UPP2: variants seen among roughly 807,000 people sequenced by gnomAD.
UPP2 encodes uridine phosphorylase 2, also known as UPase 2.
A neutral mutation model predicts 26.7 loss-of-function variants in UPP2; 23 were observed. The ratio of observed to expected loss-of-function variants is 0.86; its 90% CI spans 0.62 to 1.22. The LOEUF is 1.22. Ranked by LOEUF, UPP2 falls within the 50% of genes most tolerant of loss-of-function variation. The pLI is 0.00. For synonymous variants in UPP2, 127 were observed against 141.3 expected (o/e 0.90, Z 0.72); for missense variants, 387 against 396.7 (o/e 0.98, Z 0.21).
intron 3 of UPP2, among the ~76,000 whole-genome samples, chr2:158,083,756 T>C (rs1682766355): frequency 1.3e-5 from 2 of 151,062 alleles, no homozygotes; most frequent in African/African-American, 2.4e-5. Flanking sequence ...CTGAATACCA[T>C]TATTTCATCC....
At chr2:158,030,172 G>A (rs776627691) in intron 3 of UPP2, among the ~76,000 whole-genome samples, 10 of 152,130 alleles carry the variant, frequency 6.6e-5, no homozygotes, top group Admixed American at 1.3e-4. Context: ...AAAAATTGGC[G>A]ATTATGATGA....
chr2:158,083,684 T>A (rs902699824), intron 3 of UPP2, among the ~76,000 whole-genome samples: 1 of 151,668 alleles, frequency 6.6e-6, no homozygotes, highest in Non-Finnish European at 1.5e-5. Flanking sequence ...TGTGCATGTA[T>A]CCCAGAACTT....
chr2:158,054,390 T>TG (rs1046235024), intron 3 of UPP2, among the ~76,000 whole-genome samples: 1 of 147,764 alleles, frequency 6.8e-6, no homozygotes, highest in Non-Finnish European at 1.5e-5. Context: ...TTGAGGTTTT[T>TG]TTTTTTTTTT....
intron 6 of UPP2, among the ~76,000 whole-genome samples, chr2:158,130,464 A>AC (rs1553471682): frequency 2.2e-5 from 2 of 92,094 alleles, no homozygotes; most frequent in African/African-American, 7.9e-5. Context: ...AAAAAAAACA[A>AC]AAAAAAAAAA....
intron 3 of UPP2, 48 bp downstream of exon 3, chr2:158,115,307 A>G: frequency 6.6e-7 from 1 of 1,511,688 alleles, no homozygotes; most frequent in Non-Finnish European, 8.9e-7. Flanking sequence ...GGCTAGAGAA[A>G]AAAGTGGGAA....
intron 3 of UPP2, among the ~76,000 whole-genome samples, chr2:158,035,144 A>G (rs75156925): frequency 0.048 from 7,302 of 151,808 alleles, 315 homozygotes; most frequent in East Asian, 0.13. Context: ...ACCTCAGTTT[A>G]AGAGGATCAG....
chr2:158,071,065 G>T (rs140754834), intron 3 of UPP2, among the ~76,000 whole-genome samples: 28 of 152,298 alleles, frequency 1.8e-4, no homozygotes, highest in African/African-American at 6.0e-4. Context: ...GGGCTAAAGT[G>T]CTCTGGAGTA....
Position 158,134,931 on chromosome 2 carries a change from T to C in UPP2, c.*41T>C, listed in dbSNP as rs760265477. ...AGCCCAACCCTCCCCTGCAAGTTTG[T>C]AGCTCAAGTTGTAATGTGAAAGTCA... On this transcript the variant is annotated 3_prime_UTR_variant, in exon 7 of 7. Coordinates refer to ENST00000005756, the MANE Select transcript of UPP2 (RefSeq NM_173355.4). The C allele has an allele frequency of 6.4e-7, 1 of 1,570,608 alleles. No individual in the cohort carries two copies. Among genetic ancestry groups the C allele is most frequent in the Non-Finnish European group, 8.6e-7 (1 of 1,157,872 alleles).
intron 2 of UPP2, among the ~76,000 whole-genome samples, chr2:158,001,438 G>A (rs1683406158): frequency 6.6e-6 from 1 of 152,096 alleles, no homozygotes; most frequent in Admixed American, 6.5e-5. Context: ...GAGGGAGCTG[G>A]TGAATAAATA....
intron 3 of UPP2, among the ~76,000 whole-genome samples, chr2:158,095,039 CAG>C (rs982891122): frequency 2.6e-5 from 4 of 152,182 alleles, no homozygotes; most frequent in African/African-American, 9.7e-5. Flanking sequence ...CCAGCAGAAA[CAG>C]AGCCTCTCAG....
intron 1 of UPP2, among the ~76,000 whole-genome samples, chr2:158,103,242 C>T (rs7595641): frequency 0.025 from 3,763 of 152,174 alleles, 156 homozygotes; most frequent in African/African-American, 0.083. Flanking sequence ...AGACAGTCCC[C>T]CAAATTTTCT....
At chr2:158,108,899 T>TGTGA (rs1444983407) in intron 2 of UPP2, among the ~76,000 whole-genome samples, 52 of 148,808 alleles carry the variant, frequency 3.5e-4, no homozygotes, top group African/African-American at 1.2e-3. Context: ...TGTGTGTGTG[T>TGTGA]GTGTGTGTGT....
At chr2:158,127,134 A>G (rs1239199807) in intron 6 of UPP2, among the ~76,000 whole-genome samples, 1 of 152,192 alleles carries the variant, frequency 6.6e-6, no homozygotes, top group African/African-American at 2.4e-5. Context: ...ACCACTTATT[A>G]TCTTTGCAGT....
chr2:158,016,904 T>G (rs930517637), intron 3 of UPP2, among the ~76,000 whole-genome samples: 69 of 152,118 alleles, frequency 4.5e-4, no homozygotes, highest in African/African-American at 1.6e-3. Context: ...ATTGGTGACT[T>G]GATTTTGTAA....
In UPP2 at chr2:158,134,252, C is replaced by G. The variant is rs187594068; in HGVS notation, c.812-496C>G. Among the ~76,000 whole-genome samples the G allele has an allele frequency of 4.2e-3, 636 of 152,254 alleles. 5 individuals carry two copies. Among genetic ancestry groups the G allele is most frequent in the Non-Finnish European group, 7.5e-3 (513 of 68,022 alleles). On this transcript the variant is annotated intron_variant, in intron 6 of 6. Transcript: ENST00000005756. ...ATTGGTATTTCCTGAGGTCAGCGTT[C>G]TATATCTCTTCTGTATTTACTTTTT...
intron 6 of UPP2, among the ~76,000 whole-genome samples, 163 bp downstream of exon 6, chr2:158,124,058 C>T (rs928141766): frequency 1.3e-5 from 2 of 152,062 alleles, no homozygotes; most frequent in East Asian, 1.9e-4. Context: ...TTGTGAGTGG[C>T]CAGGACATTA....
chr2:158,119,025 G>A (rs777750456), intron 4 of UPP2, among the ~76,000 whole-genome samples: 4 of 152,000 alleles, frequency 2.6e-5, no homozygotes, highest in Non-Finnish European at 5.9e-5. Flanking sequence ...GTCAGATCAG[G>A]CATCCTTCTA....
intron 3 of UPP2, among the ~76,000 whole-genome samples, chr2:158,029,238 G>C (rs961773980): frequency 6.6e-6 from 1 of 152,136 alleles, no homozygotes; most frequent in East Asian, 1.9e-4. Flanking sequence ...TAAATGTACT[G>C]TTCTAAGATC....
At chr2:158,045,863 C>G (rs1010601553) in intron 3 of UPP2, among the ~76,000 whole-genome samples, 2 of 152,110 alleles carry the variant, frequency 1.3e-5, no homozygotes, top group Admixed American at 1.3e-4. Flanking sequence ...GTGGTACCAG[C>G]CGCCAATTGT....
Sources: gnomAD v4.1 joint callset for allele counts (sites outside exome capture counted in the v4.1 genomes callset) on GRCh38, gnomAD v4.1.1 for gene constraint, MANE v1.5 for transcripts, NCBI Gene and HGNC (gene_info 2026-07-23, HGNC 2026-07-21) for gene names.